TSPAN4: variants seen among roughly 807,000 people sequenced by gnomAD.
TSPAN4 encodes tetraspanin-4.
TSPAN4 carries 38 observed loss-of-function variants against 31.5 expected under a neutral mutation model. That is an observed-to-expected ratio of 1.21 (90% CI 0.93 to 1.58). The LOEUF is 1.58. TSPAN4 is among the 40% of genes most tolerant of loss of function. The pLI is 0.00. For synonymous variants in TSPAN4, 186 were observed against 144.6 expected, an observed-to-expected ratio of 1.29 and a Z score of -2.06; for missense variants, 330 against 317.3, an observed-to-expected ratio of 1.04 and a Z score of -0.30.
Position 862,917 on chromosome 11 carries a change from A to G in TSPAN4, c.255+176A>G, listed in dbSNP as rs963237364. On this transcript the variant is annotated intron_variant, in intron 4 of 8. Transcript: ENST00000397397. ...TGGCCACTGTTGGGTCTTCCAGGCC[A>G]CACTGGGGCTGGGGGGTGATTTGCA... 9.2e-6 allele frequency: 6 copies of G among 653,868 alleles called. No individual in the cohort carries two copies. In the African/African-American group the frequency reaches 1.1e-4, roughly 12 times the overall value. 40.5% of individuals were successfully genotyped at this position (653,868 alleles called of 1,614,324 possible).
rs1470217224 is a variant in TSPAN4, at chr11:848,824, G to C, written c.-17-1464G>C. 1.6e-6 allele frequency: 1 copy of C among 641,000 alleles called. No individual in the cohort carries two copies. The highest frequency in any genetic ancestry group is 2.5e-5 in the Admixed American group (1 of 39,396). The allele number at this position is 641,000 out of a possible 1,614,324, so 39.7% of individuals were successfully genotyped here. On this transcript the variant is annotated intron_variant, in intron 2 of 8. Coordinates refer to ENST00000397397, the MANE Select transcript of TSPAN4 (RefSeq NM_003271.5). The surrounding 1 kb of genome is among the most constrained non-coding windows in gnomAD (Gnocchi z 5.7). The stretch of plus-strand genomic sequence containing the variant: ...GCTGGGGCTTCAGAGGCGTGGGGTA[G>C]GCTGCAGGGCACAGCTGGGGGCCTC...
At chr11:852,589 G>A (rs180948888) in intron 3 of TSPAN4, among the ~76,000 whole-genome samples, 118 of 152,266 alleles carry the variant, frequency 7.7e-4, no homozygotes, top group Non-Finnish European at 1.4e-3. Context: ...AGTCTGTCCC[G>A]GGCTGATGTC....
chr11:851,747 T>G (rs1847753251), intron 3 of TSPAN4, among the ~76,000 whole-genome samples: 1 of 150,148 alleles, frequency 6.7e-6, no homozygotes, highest in Admixed American at 6.6e-5. Flanking sequence ...TGCAGGTGGC[T>G]GAGTGACCAG....
At chr11:851,824 C>G (rs1395803827) in intron 3 of TSPAN4, among the ~76,000 whole-genome samples, 1 of 151,768 alleles carries the variant, frequency 6.6e-6, no homozygotes. Context: ...GCCCGGCAGG[C>G]AGGCAGGCAG....
intron 3 of TSPAN4, among the ~76,000 whole-genome samples, chr11:860,776 T>C (rs1021517414): frequency 5.3e-5 from 8 of 152,120 alleles, no homozygotes; most frequent in Non-Finnish European, 1.0e-4. Flanking sequence ...AGGCATGTGG[T>C]CTGGGTGCTC....
At chr11:849,706 C>T (rs1318539624) in intron 2 of TSPAN4, 3 of 150,968 alleles carry the variant, frequency 2.0e-5, no homozygotes, top group South Asian at 2.0e-4. Context: ...TGCGATTGGT[C>T]CGCCCAGGCG....
chr11:843,536 C>T (rs944961976), intron 1 of TSPAN4: 22 of 152,396 alleles, frequency 1.4e-4, no homozygotes, highest in African/African-American at 4.8e-4. Context: ...GGCAGGACCC[C>T]CTGAAGGCCT....
chr11:864,755 G>C (rs909202198), intron 5 of TSPAN4: 2 of 584,908 alleles, frequency 3.4e-6, no homozygotes, highest in Non-Finnish European at 6.1e-6. Flanking sequence ...GTGCGCCCCA[G>C]GTTGTCCCCC....
chr11:857,400 G>GTTTTTTTTTTTTTTTTT (rs59381120), intron 3 of TSPAN4: 1 of 100,310 alleles, frequency 1.0e-5, no homozygotes, highest in African/African-American at 4.0e-5. Context: ...GGCAGTTTGG[G>GTTTTTTTTTTTTTTTTT]TTTTTTTTTT....
chr11:850,459 C>T (rs1331604282), intron 3 of TSPAN4, 92 bp downstream of exon 3: 22 of 1,131,726 alleles, frequency 1.9e-5, no homozygotes, highest in Non-Finnish European at 2.7e-5. Flanking sequence ...GTCGCTGCCC[C>T]GGCCAGGCGT....
At chr11:863,090 C>CT in intron 4 of TSPAN4, 1 of 188,178 alleles carries the variant, frequency 5.3e-6, no homozygotes, top group Non-Finnish European at 1.1e-5. Context: ...GTCTCCGTGA[C>CT]TCATTCCTGA....
chr11:859,323 A>ACT (rs1385581742), intron 3 of TSPAN4, among the ~76,000 whole-genome samples: 1 of 9,960 alleles, frequency 1.0e-4, no homozygotes, highest in Non-Finnish European at 1.7e-4. Flanking sequence ...CCCCCCTTTC[A>ACT]CACGCACCCC....
intron 5 of TSPAN4, 158 bp downstream of exon 5, chr11:864,669 C>T (rs1848664586): frequency 2.0e-5 from 17 of 851,256 alleles, no homozygotes; most frequent in Middle Eastern, 3.0e-4. Flanking sequence ...GGAGGGGCAG[C>T]GCCAGCGACC....
At chr11:852,744 G>A (rs371855881) in intron 3 of TSPAN4, among the ~76,000 whole-genome samples, 20 of 152,310 alleles carry the variant, frequency 1.3e-4, no homozygotes, top group Non-Finnish European at 2.1e-4. Context: ...GGCTTTTGCC[G>A]CCCACTCCAT....
In TSPAN4 at chr11:852,477, C is replaced by T. The variant is rs140024299; in HGVS notation, c.63+2110C>T. ...AAACTGGAGCCCCGCTGGCTTCATA[C>T]ACCAGCCTTGGCCCCCCCCAACCCT... On this transcript the variant is annotated intron_variant, in intron 3 of 8. Coordinates refer to ENST00000397397, the MANE Select transcript of TSPAN4 (RefSeq NM_003271.5). 1.5e-4 allele frequency among the ~76,000 whole-genome samples: 23 copies of T among 152,368 alleles called. 1 individual carries two copies. In the Middle Eastern group the frequency reaches 0.01, roughly 68 times the overall value.
chr11:846,420 G>A lies in TSPAN4; in HGVS notation c.-117-781G>A, dbSNP rs544783533. Among the ~76,000 whole-genome samples the A allele has an allele frequency of 2.6e-3, 395 of 152,338 alleles. 5 individuals carry two copies. The highest frequency in any genetic ancestry group is 4.0e-3 in the East Asian group (21 of 5,188). Reference sequence around the variant, plus strand: ...GGGGCTCTCGCTCAGCCAGGGTTGGGGTGGAGGCTCTATGGTTCCCTCCTG... The same window carrying A: ...GGGGCTCTCGCTCAGCCAGGGTTGGAGTGGAGGCTCTATGGTTCCCTCCTG... On this transcript the variant is annotated intron_variant, in intron 1 of 8. Transcript: ENST00000397397.
chr11:846,853 C>T (rs952980849), intron 1 of TSPAN4, among the ~76,000 whole-genome samples: 4 of 152,284 alleles, frequency 2.6e-5, no homozygotes, highest in South Asian at 4.1e-4. Flanking sequence ...TGTGTCTTGG[C>T]CTGTGTCTCT....
intron 2 of TSPAN4, among the ~76,000 whole-genome samples, chr11:849,343 C>T (rs1165275537): frequency 1.3e-5 from 2 of 152,244 alleles, no homozygotes; most frequent in Non-Finnish European, 2.9e-5. Context: ...CCACCCGCCG[C>T]CGGCACTCAG....
intron 2 of TSPAN4, among the ~76,000 whole-genome samples, chr11:849,656 GCGAA>G (rs2133994948): frequency 6.6e-6 from 1 of 152,036 alleles, no homozygotes; most frequent in Non-Finnish European, 1.5e-5. Flanking sequence ...GCCGGCGCGG[GCGAA>G]GGGGCCGGGG....
Sources: allele counts gnomAD v4.1 joint callset (sites outside exome capture counted in the v4.1 genomes callset), GRCh38; gene constraint gnomAD v4.1.1; non-coding constraint Gnocchi (gnomAD v3.1); transcripts MANE v1.5; gene names NCBI Gene and HGNC (gene_info 2026-07-23, HGNC 2026-07-21).